The following PCTP variants were observed in gnomAD, a reference collection of about 807,000 sequenced individuals.
PCTP encodes phosphatidylcholine transfer protein.
Under a neutral mutation model 31.0 loss-of-function variants are expected in PCTP, and 27 were observed. The observed-to-expected ratio is 0.87, with a 90% CI of 0.64 to 1.20. PCTP has a LOEUF of 1.20. Ranked by LOEUF, PCTP falls within the 50% of genes most tolerant of loss-of-function variation. The pLI, the probability that PCTP is intolerant of heterozygous loss-of-function variation, is 0.00. For missense variants in PCTP, 287 were observed against 268.2 expected, an observed-to-expected ratio of 1.07 and a Z score of -0.49; for synonymous variants, 108 against 101.2, an observed-to-expected ratio of 1.07 and a Z score of -0.40.
intron 2 of PCTP, among the ~76,000 whole-genome samples, chr17:55,785,310 GA>G (rs1308223619): frequency 1.3e-5 from 2 of 152,226 alleles, no homozygotes; most frequent in Admixed American, 6.5e-5. Context: ...AGCAGTTTGG[GA>G]GGAACTAAAT....
chr17:55,767,471 T>A lies in PCTP; in HGVS notation c.259+19T>A. 1 of 1,369,424 alleles carries A rather than the reference T, an allele frequency of 7.3e-7. No homozygotes were observed. Among genetic ancestry groups the A allele is most frequent in the South Asian group, 1.2e-5 (1 of 82,658 alleles). The allele number at this position is 1,369,424 out of a possible 1,614,324, so 84.8% of individuals were successfully genotyped here. ...GTTAAAGGTGAGTGATGCTTGCTTT[T>A]CTTTTTTTTTTAGACGTACTTTCAC... On this transcript the variant is annotated intron_variant, in intron 2 of 5. Transcript: ENST00000268896.
At chr17:55,814,310 A>G (rs1912844748) in intron 3 of PCTP, among the ~76,000 whole-genome samples, 1 of 152,240 alleles carries the variant, frequency 6.6e-6, no homozygotes, top group Admixed American at 6.5e-5. Context: ...GAGGAGAAAC[A>G]GAAGAAAAAA....
intron 1 of PCTP, among the ~76,000 whole-genome samples, chr17:55,767,084 C>A (rs1325668030): frequency 6.6e-6 from 1 of 152,100 alleles, no homozygotes; most frequent in African/African-American, 2.4e-5. Context: ...CTGTTCTTGT[C>A]CTTCACCCAC....
intron 1 of PCTP, among the ~76,000 whole-genome samples, chr17:55,754,632 T>G (rs1417003300): frequency 6.6e-6 from 1 of 152,186 alleles, no homozygotes; most frequent in Non-Finnish European, 1.5e-5. Flanking sequence ...ATAGACTGAT[T>G]GGGGAAACCC....
chr17:55,762,430 T>G (rs1910388079), intron 1 of PCTP, among the ~76,000 whole-genome samples: 1 of 151,808 alleles, frequency 6.6e-6, no homozygotes, highest in Admixed American at 6.6e-5. Context: ...CACAGTAAAC[T>G]TTATGAAACA....
At chr17:55,753,413 T>TCA (rs1909819938) in intron 1 of PCTP, among the ~76,000 whole-genome samples, 1 of 152,224 alleles carries the variant, frequency 6.6e-6, no homozygotes, top group Non-Finnish European at 1.5e-5. Context: ...TTCTTATAAT[T>TCA]CAGGTGCTAA....
chr17:55,797,367 A>G (rs2145017334), intron 3 of PCTP, among the ~76,000 whole-genome samples: 1 of 152,166 alleles, frequency 6.6e-6, no homozygotes. Flanking sequence ...TTGTGAATTT[A>G]TAAGTGAAGG....
At chr17:55,818,202 C>T (rs1322640315) in intron 3 of PCTP, among the ~76,000 whole-genome samples, 2 of 152,164 alleles carry the variant, frequency 1.3e-5, no homozygotes, top group East Asian at 1.9e-4. Context: ...AGCACAGAAA[C>T]GGAGATCGCA....
intron 5 of PCTP, among the ~76,000 whole-genome samples, chr17:55,839,205 C>T (rs1372228242): frequency 6.6e-6 from 1 of 152,048 alleles, no homozygotes; most frequent in African/African-American, 2.4e-5. Context: ...CCTTTTGAGC[C>T]TCAATTTCTT....
intron 3 of PCTP, among the ~76,000 whole-genome samples, chr17:55,798,469 A>G (rs1184447063): frequency 1.3e-5 from 2 of 152,030 alleles, no homozygotes; most frequent in African/African-American, 4.8e-5. Flanking sequence ...GAAAGAAAAT[A>G]TGAAGGGCAA....
At chr17:55,845,449 G>A (rs1276377525), downstream of PCTP, among the ~76,000 whole-genome samples, 1 of 152,202 alleles carries the variant, frequency 6.6e-6, no homozygotes, top group African/African-American at 2.4e-5. Context: ...GCGTCCGCGG[G>A]CCTCAGCGAC....
At chr17:55,843,248 G>T (rs183995937), downstream of PCTP, among the ~76,000 whole-genome samples, 9 of 152,162 alleles carry the variant, frequency 5.9e-5, no homozygotes, top group Non-Finnish European at 1.0e-4. Context: ...TTGTTTTCAG[G>T]TCTTAGCCAT....
chr17:55,772,768 C>T (rs943721376), intron 3 of PCTP, among the ~76,000 whole-genome samples: 3 of 152,180 alleles, frequency 2.0e-5, no homozygotes, highest in Admixed American at 6.5e-5. Context: ...CTCCATCCAA[C>T]TATGAAATTC....
At chr17:55,822,701 C>A in intron 3 of PCTP, 1 of 949,266 alleles carries the variant, frequency 1.1e-6, no homozygotes, top group South Asian at 5.4e-5. Context: ...TGAAGTATCC[C>A]CAGGAATTTT....
chr17:55,819,240 G>T (rs566367707), intron 3 of PCTP, among the ~76,000 whole-genome samples: 1 of 152,150 alleles, frequency 6.6e-6, no homozygotes, highest in South Asian at 2.1e-4. Context: ...CCTAAGATCA[G>T]AAATAAGACC....
At chr17:55,822,442 G>A (rs1913145544) in intron 3 of PCTP, among the ~76,000 whole-genome samples, 1 of 152,196 alleles carries the variant, frequency 6.6e-6, no homozygotes, top group Admixed American at 6.5e-5. Context: ...AAACCTGAAA[G>A]AAGCCACAGG....
chr17:55,848,889 C>T, the PCTP span, among the ~76,000 whole-genome samples: 2 of 152,158 alleles, frequency 1.3e-5, no homozygotes, highest in Non-Finnish European at 2.9e-5. Flanking sequence ...TGATCACTCT[C>T]TCAATTTAGC....
chr17:55,827,847 GA>G (rs925978376), downstream of PCTP, among the ~76,000 whole-genome samples: 1 of 150,488 alleles, frequency 6.6e-6, no homozygotes, highest in Non-Finnish European at 1.5e-5. Context: ...TCAGAGAGAG[GA>G]CCTGCAGGAA....
At chr17:55,756,421 G>C (rs1281567055) in intron 1 of PCTP, among the ~76,000 whole-genome samples, 1 of 152,206 alleles carries the variant, frequency 6.6e-6, no homozygotes, top group Admixed American at 6.5e-5. Context: ...AAGGCCCTCT[G>C]TGGAAGTAAC....
Sources: gnomAD v4.1 joint callset for allele counts (sites outside exome capture counted in the v4.1 genomes callset) on GRCh38, gnomAD v4.1.1 for gene constraint, MANE v1.5 for transcripts, NCBI Gene and HGNC (gene_info 2026-07-23, HGNC 2026-07-21) for gene names.